The following ASXL3 variants were observed in gnomAD, a reference collection of about 807,000 sequenced individuals.
ASXL3 encodes putative Polycomb group protein ASXL3.
A neutral mutation model predicts 170.6 loss-of-function variants in ASXL3; 34 were observed. The ratio of observed to expected loss-of-function variants is 0.20; its 90% CI spans 0.15 to 0.27. The LOEUF (loss-of-function observed/expected upper bound fraction) is 0.27. ASXL3 is among the 10% of genes least tolerant of loss of function. The probability of loss-of-function intolerance (pLI) is 1.00; values close to 1 mark genes in which losing one functional copy is unlikely to be tolerated. For missense variants in ASXL3, 2,592 were observed against 2,695.3 expected, an observed-to-expected ratio of 0.96 and a Z score of 0.85; for synonymous variants, 1,002 against 989.1, an observed-to-expected ratio of 1.01 and a Z score of -0.24.
chr18:33,677,306 A>G (rs1243113502), intron 7 of ASXL3, among the ~76,000 whole-genome samples: 2 of 152,202 alleles, frequency 1.3e-5, no homozygotes, highest in South Asian at 2.1e-4. Flanking sequence ...CAAAATAATT[A>G]TCTCCAGTGC....
chr18:33,599,676 GGGC>G (rs1460281459), intron 1 of ASXL3, among the ~76,000 whole-genome samples: 1 of 151,976 alleles, frequency 6.6e-6, no homozygotes, highest in African/African-American at 2.4e-5. Flanking sequence ...GGTTTTTTTG[GGGC>G]ATGTAGAAAT....
At chr18:33,586,826 A>G (rs2065038667) in intron 1 of ASXL3, among the ~76,000 whole-genome samples, 2 of 152,314 alleles carry the variant, frequency 1.3e-5, no homozygotes, top group Admixed American at 6.5e-5. Context: ...AGTTCATTTA[A>G]ACATTTATTG....
intron 2 of ASXL3, 97 bp from the exon 3 acceptor site, chr18:33,644,797 A>T (rs1393374523): frequency 1.5e-6 from 1 of 674,670 alleles, no homozygotes; most frequent in Non-Finnish European, 2.3e-6. Context: ...TTATTTTTTT[A>T]TTTTTTTTAA....
At chr18:33,711,073 A>T (rs1754235473) in intron 8 of ASXL3, among the ~76,000 whole-genome samples, 1 of 152,108 alleles carries the variant, frequency 6.6e-6, no homozygotes, top group Non-Finnish European at 1.5e-5. Context: ...AATTTCCTAT[A>T]TTTTAGCCCC....
At chr18:33,583,823 A>G (rs1457746886) in intron 1 of ASXL3, among the ~76,000 whole-genome samples, 5 of 152,190 alleles carry the variant, frequency 3.3e-5, no homozygotes, top group Non-Finnish European at 7.3e-5. Flanking sequence ...AACATTTAAT[A>G]ATGTAATAAT....
chr18:33,651,091 C>G (rs748195890), intron 4 of ASXL3, among the ~76,000 whole-genome samples: 3 of 152,104 alleles, frequency 2.0e-5, no homozygotes, highest in Non-Finnish European at 4.4e-5. Flanking sequence ...ACAGGGAACA[C>G]TTAGTAGCCA....
chr18:33,708,782 C>T lies in ASXL3; in HGVS notation c.880-23186C>T, dbSNP rs2067006043. 2.6e-5 allele frequency among the ~76,000 whole-genome samples: 4 copies of T among 152,196 alleles called. No individual in the cohort carries two copies. In the South Asian group the frequency reaches 6.2e-4, roughly 24 times the overall value. ...AAGAACCACTTACGTAGAGATCTCACACATCTTTCGTTTGAATTTATTTAT... is the reference window on the plus strand; with the variant it reads ...AAGAACCACTTACGTAGAGATCTCATACATCTTTCGTTTGAATTTATTTAT... On this transcript the variant is annotated intron_variant, in intron 8 of 11. Coordinates refer to ENST00000269197, the MANE Select transcript of ASXL3 (RefSeq NM_030632.3).
intron 1 of ASXL3, among the ~76,000 whole-genome samples, chr18:33,580,742 G>A (rs1358439270): frequency 6.6e-6 from 1 of 152,154 alleles, no homozygotes; most frequent in Non-Finnish European, 1.5e-5. Flanking sequence ...GATGGGAAAA[G>A]ACACACTAGG....
chr18:33,681,449 G>A (rs1000531909), intron 7 of ASXL3, among the ~76,000 whole-genome samples: 7 of 152,016 alleles, frequency 4.6e-5, no homozygotes, highest in African/African-American at 1.7e-4. Context: ...ATTTTTTAGA[G>A]ACATAGTTAC....
At chr18:33,684,897 A>G (rs1324757201) in intron 8 of ASXL3, among the ~76,000 whole-genome samples, 3 of 152,148 alleles carry the variant, frequency 2.0e-5, no homozygotes, top group Non-Finnish European at 4.4e-5. Context: ...AAATGAATGG[A>G]AAAGTGCCAA....
chr18:33,665,883 T>C (rs967765250), intron 5 of ASXL3, among the ~76,000 whole-genome samples: 2 of 152,212 alleles, frequency 1.3e-5, no homozygotes, highest in African/African-American at 4.8e-5. Context: ...GAGTGTGATA[T>C]GATCTTTACT....
intron 1 of ASXL3, among the ~76,000 whole-genome samples, chr18:33,594,120 G>A (rs912632847): frequency 1.8e-4 from 28 of 152,052 alleles, no homozygotes; most frequent in Non-Finnish European, 4.4e-5. Context: ...ATTCCTTGTG[G>A]GCTTAAATCC....
chr18:33,612,937 C>T (rs376591322), intron 2 of ASXL3, among the ~76,000 whole-genome samples: 2 of 152,200 alleles, frequency 1.3e-5, no homozygotes, highest in African/African-American at 4.8e-5. Context: ...TGTTAGCTCA[C>T]AGTGTCATCC....
At chr18:33,703,979 T>C (rs1198696577) in intron 8 of ASXL3, among the ~76,000 whole-genome samples, 4 of 152,186 alleles carry the variant, frequency 2.6e-5, no homozygotes, top group Non-Finnish European at 2.9e-5. Context: ...CTTTAGATTT[T>C]TTATGTAACT....
At chr18:33,661,540 G>C (rs1262681296) in intron 4 of ASXL3, 76 bp from the exon 5 acceptor site, 2 of 1,403,826 alleles carry the variant, frequency 1.4e-6, no homozygotes, top group African/African-American at 1.4e-5. Context: ...TTGCAGAAAA[G>C]CTCCAAGTGT....
chr18:33,739,209 T>C lies in ASXL3; in HGVS notation c.1805T>C (p.Leu602Pro), dbSNP rs2067607190. The change falls in exon 11 of 12, where the codon CTT becomes CCT. Residue 602 changes from leucine (L) to proline (P), a missense_variant. This residue lies in a region of ASXL3 where 2,246 missense variants were observed against 2,219.6 expected (regional missense o/e 1.01). Transcript: ENST00000269197. ...MELQSDPEEQ[L>P]SENACISETS... ...CTACAGAGTGACCCTGAAGAACAGC[T>C]TTCAGAAAATGCCTGCATCTCTGAA... 1 of 1,613,730 alleles carries C rather than the reference T, an allele frequency of 6.2e-7. No homozygotes were observed. Among genetic ancestry groups the C allele is most frequent in the Non-Finnish European group, 8.5e-7 (1 of 1,179,850 alleles).
In ASXL3 at chr18:33,701,791, CA is replaced by C. The variant is rs1475626873; in HGVS notation, c.879+18224del. On this transcript the variant is annotated intron_variant, in intron 8 of 11. Transcript: ENST00000269197. Reference sequence around the variant, plus strand: ...TTTTCATCAAATATAGAAAGTTAAACATTTTTTTTATTATTTTCTTCTCCTT... The same window carrying C: ...TTTTCATCAAATATAGAAAGTTAAACTTTTTTTTATTATTTTCTTCTCCTT... Among the ~76,000 whole-genome samples the C allele has an allele frequency of 1.1e-4, 16 of 152,150 alleles. No individual in the cohort carries two copies. The East Asian group carries it at 1.5e-3, about 15-fold the overall frequency.
intron 2 of ASXL3, among the ~76,000 whole-genome samples, chr18:33,637,273 G>C (rs2065781892): frequency 6.6e-6 from 1 of 152,016 alleles, no homozygotes; most frequent in Admixed American, 6.6e-5. Context: ...GCCATGATAG[G>C]CGTTGTTGCT....
intron 11 of ASXL3, among the ~76,000 whole-genome samples, chr18:33,742,198 T>TC (rs2067675929): frequency 6.6e-6 from 1 of 152,212 alleles, no homozygotes; most frequent in South Asian, 2.1e-4. Context: ...TCTCATTCCA[T>TC]CTTTAAAACA....
Sources: allele counts gnomAD v4.1 joint callset (sites outside exome capture counted in the v4.1 genomes callset), GRCh38; gene constraint gnomAD v4.1.1; regional missense constraint gnomAD v4.1.1; transcripts MANE v1.5; gene names NCBI Gene and HGNC (gene_info 2026-07-23, HGNC 2026-07-21).